The following PTPRB variants were observed in gnomAD, a reference collection of about 807,000 sequenced individuals.
PTPRB encodes the protein protein tyrosine phosphatase receptor type B, also known as receptor-type tyrosine-protein phosphatase beta.
In PTPRB, 97 loss-of-function variants were observed where a neutral mutation model predicts 238.1. The ratio of observed to expected loss-of-function variants is 0.41; its 90% CI spans 0.35 to 0.48. PTPRB has a LOEUF of 0.48. PTPRB is among the 20% of genes least tolerant of loss of function. PTPRB has a pLI of 0.30. For missense variants in PTPRB, 2,292 were observed against 2,681.9 expected, an observed-to-expected ratio of 0.85 and a Z score of 3.21; for synonymous variants, 970 against 995.4, an observed-to-expected ratio of 0.97 and a Z score of 0.48.
chr12:70,524,579 A>G lies in PTPRB; in HGVS notation c.6517T>C (p.Tyr2173His). Residue 2173 changes from tyrosine to histidine, a missense_variant, in exon 33 of 34, where the codon TAC becomes CAC. Coordinates refer to ENST00000334414, the MANE Select transcript of PTPRB (RefSeq NM_001109754.4). ...ACATCTCTTACACACTGATGTAGGT[A>G]GACATACTGACACTGTGGAAAAGCA... ...HMVQTECQYVYLHQCVRDVLR... is the reference protein window; with the variant it reads ...HMVQTECQYVHLHQCVRDVLR... The G allele has an allele frequency of 1.9e-6, 3 of 1,611,144 alleles. No homozygotes were observed. The highest frequency in any genetic ancestry group is 1.3e-5 in the African/African-American group (1 of 74,910).
intron 20 of PTPRB, among the ~76,000 whole-genome samples, chr12:70,554,922 A>G (rs1367753931): frequency 1.3e-5 from 2 of 152,196 alleles, no homozygotes; most frequent in Non-Finnish European, 1.5e-5. Flanking sequence ...TGTGGTTGCT[A>G]TTATCATTAC....
At position 70,548,318 on chromosome 12, in the gene PTPRB, A is replaced by ACT. The variant is rs71457058; in HGVS notation, c.5388-3657_5388-3656dup. Among the ~76,000 whole-genome samples, 281 of 127,910 alleles carry ACT rather than the reference A, an allele frequency of 2.2e-3. 2 individuals are homozygous for ACT. Among genetic ancestry groups the ACT allele is most frequent in the East Asian group, 5.0e-3 (21 of 4,212 alleles). The allele number at this position is 127,910 out of a possible 152,430, so 83.9% of individuals were successfully genotyped here. On this transcript the variant is annotated intron_variant, in intron 21 of 33. Coordinates refer to ENST00000334414, the MANE Select transcript of PTPRB (RefSeq NM_001109754.4). The stretch of plus-strand genomic sequence containing the variant: ...ACTCCAGCCTGGGCAACACAGCAAG[A>ACT]CTCTCTCTCTCTCTCTCTCTCTCTC...
chr12:70,521,789 T>C (rs922368454), intron 33 of PTPRB, among the ~76,000 whole-genome samples: 1 of 152,206 alleles, frequency 6.6e-6, no homozygotes, highest in Non-Finnish European at 1.5e-5. Flanking sequence ...CACAGCTTGT[T>C]ACAGCTAGTT....
intron 32 of PTPRB, among the ~76,000 whole-genome samples, chr12:70,528,952 G>A (rs184350505): frequency 8.2e-4 from 125 of 152,060 alleles, no homozygotes; most frequent in African/African-American, 2.8e-3. Flanking sequence ...GAAGTTAGAT[G>A]GCTATAAGGC....
intron 15 of PTPRB, among the ~76,000 whole-genome samples, chr12:70,565,637 G>A (rs559128140): frequency 6.6e-6 from 1 of 152,176 alleles, no homozygotes; most frequent in South Asian, 2.1e-4. Context: ...AGGACGAGAA[G>A]CATGCCTGAT....
At chr12:70,538,881 G>A (rs903119969) in intron 27 of PTPRB, 43 bp downstream of exon 27, 17 of 1,474,406 alleles carry the variant, frequency 1.2e-5, no homozygotes, top group Non-Finnish European at 6.6e-6. Flanking sequence ...ATGCAGAAAT[G>A]GCTAGAGGAA....
intron 19 of PTPRB, 81 bp from the exon 20 acceptor site, chr12:70,555,390 G>T: frequency 3.0e-6 from 4 of 1,316,886 alleles, no homozygotes; most frequent in Non-Finnish European, 4.2e-6. Flanking sequence ...TGAAATGAAG[G>T]ATTCTGCTCT....
chr12:70,574,578 C>G (rs76746325), intron 11 of PTPRB, among the ~76,000 whole-genome samples: 1 of 152,066 alleles, frequency 6.6e-6, no homozygotes, highest in Non-Finnish European at 1.5e-5. Flanking sequence ...CCAGGTGGAA[C>G]GGGGTAATTT....
In PTPRB at chr12:70,581,318, G is replaced by A. The variant is rs1210371374; in HGVS notation, c.2312-16C>T. ...TGGGCAGGCACTAAAACAGTAGACAGAAGAAAAAACAAATGACACTTAGTC... is the reference window on the plus strand; with the variant it reads ...TGGGCAGGCACTAAAACAGTAGACAAAAGAAAAAACAAATGACACTTAGTC... On this transcript the variant is annotated splice_polypyrimidine_tract_variant and intron_variant, in intron 9 of 33. Transcript: ENST00000334414. 4.4e-6 allele frequency: 7 copies of A among 1,581,622 alleles called. No individual in the cohort carries two copies. In the African/African-American group the frequency reaches 5.5e-5, roughly 12 times the overall value.
In PTPRB at chr12:70,596,108, G is replaced by A. The variant is rs866912446; in HGVS notation, c.1199C>T (p.Ala400Val). 1 of 1,612,968 alleles carries A rather than the reference G, an allele frequency of 6.2e-7. No individual in the cohort carries two copies. The highest frequency in any genetic ancestry group is 1.7e-5 in the Admixed American group (1 of 59,984). The stretch of plus-strand genomic sequence containing the variant: ...TTTTCCTCCAGAAACAGCTGTGATG[G>A]CAATATTGTATTTACTACCAGCAGT... ...NLTAGSKYNI[A>V]ITAVSGGKRS... The change falls in exon 5 of 34, where the codon GCC becomes GTC. Residue 400 changes from alanine (A) to valine (V), a missense_variant. Ala to Val is a moderately conservative substitution (Grantham distance 64, BLOSUM62 0). Around this residue, in one of 4 missense-constraint regions of PTPRB, gnomAD observed 1,205 missense variants for 1,287.8 expected, o/e 0.94. Coordinates refer to ENST00000334414, the MANE Select transcript of PTPRB (RefSeq NM_001109754.4).
At chr12:70,591,176 A>G (rs1287308712) in intron 7 of PTPRB, among the ~76,000 whole-genome samples, 3 of 148,424 alleles carry the variant, frequency 2.0e-5, no homozygotes, top group African/African-American at 5.0e-5. Flanking sequence ...GGCTCAAGCA[A>G]CCCTCCACCT....
chr12:70,626,996 A>G (rs2717424), intron 2 of PTPRB, among the ~76,000 whole-genome samples: 23,848 of 152,136 alleles, frequency 0.16, 2,803 homozygotes, highest in East Asian at 0.38. Flanking sequence ...GATACAAGAC[A>G]TAGCATAGTA....
intron 2 of PTPRB, among the ~76,000 whole-genome samples, chr12:70,632,542 C>G (rs566867884): frequency 6.6e-6 from 1 of 150,464 alleles, no homozygotes; most frequent in Non-Finnish European, 1.5e-5. Flanking sequence ...CAAACCTGCA[C>G]ATTGTGCACA....
chr12:70,578,852 A>G (rs1881066917), intron 10 of PTPRB, among the ~76,000 whole-genome samples: 1 of 152,134 alleles, frequency 6.6e-6, no homozygotes. Context: ...TGCATTTCTC[A>G]GGCTCCCAGG....
chr12:70,523,219 A>G (rs968232790), intron 33 of PTPRB, among the ~76,000 whole-genome samples: 20 of 152,036 alleles, frequency 1.3e-4, no homozygotes, highest in African/African-American at 4.8e-4. Flanking sequence ...CAGTGGCACA[A>G]TTACAGCTCA....
At chr12:70,534,783 T>C in intron 30 of PTPRB, 50 bp downstream of exon 30, 9 of 1,606,768 alleles carry the variant, frequency 5.6e-6, no homozygotes, top group Non-Finnish European at 7.7e-6. Context: ...GGTTCACAGA[T>C]CTCATTCATC....
At chr12:70,619,825 A>G (rs773703256) in intron 3 of PTPRB, among the ~76,000 whole-genome samples, 3 of 152,200 alleles carry the variant, frequency 2.0e-5, no homozygotes, top group Non-Finnish European at 4.4e-5. Context: ...CCTTTCTTAT[A>G]CTTTTCTAGG....
chr12:70,576,518 C>A lies in PTPRB; in HGVS notation c.2706G>T (p.Val902=), dbSNP rs572127509. ...YEVTLSHDGK[V]VQSLVIAKSV... The stretch of plus-strand genomic sequence containing the variant: ...ACTTGGCAATGACAAGGGACTGAAC[C>A]ACCTTGCCGTCATGAGACAATGTTA... Residue 902 remains valine, a synonymous_variant, in exon 11 of 34, where the codon GTG becomes GTT. Transcript: ENST00000334414. The A allele has an allele frequency of 7.4e-5, 116 of 1,570,134 alleles. No individual in the cohort carries two copies. The highest frequency in any genetic ancestry group is 9.1e-5 in the Non-Finnish European group (105 of 1,155,918).
At chr12:70,546,668 A>C (rs1032271497) in intron 21 of PTPRB, among the ~76,000 whole-genome samples, 2 of 152,220 alleles carry the variant, frequency 1.3e-5, no homozygotes, top group African/African-American at 4.8e-5. Context: ...TGAATTTATA[A>C]GGAAGGAGGA....
Sources: gnomAD v4.1 joint callset for allele counts (sites outside exome capture counted in the v4.1 genomes callset) on GRCh38, gnomAD v4.1.1 for gene constraint, gnomAD v4.1.1 regional missense constraint, MANE v1.5 for transcripts, NCBI Gene and HGNC (gene_info 2026-07-23, HGNC 2026-07-21) for gene names.